PTH1R: variants seen among roughly 807,000 people sequenced by gnomAD.
PTH1R encodes parathyroid hormone/parathyroid hormone-related peptide receptor.
A neutral mutation model predicts 70.7 loss-of-function variants in PTH1R; 32 were observed. That is an observed-to-expected ratio of 0.45 (90% CI 0.34 to 0.61). The LOEUF is 0.61. PTH1R is among the 20% of genes least tolerant of loss of function. PTH1R has a pLI of 0.01. For missense variants in PTH1R, 626 were observed against 792.5 expected (o/e 0.79, Z 2.52); for synonymous variants, 329 against 324.8 (o/e 1.01, Z -0.14).
chr3:46,901,998 C>A lies in PTH1R; in HGVS notation c.1211+138C>A. The A allele has an allele frequency of 9.9e-7, 1 of 1,011,402 alleles. No individual in the cohort carries two copies. Among genetic ancestry groups the A allele is most frequent in the Non-Finnish European group, 1.5e-6 (1 of 668,200 alleles). 62.7% of individuals were successfully genotyped at this position (1,011,402 alleles called of 1,614,324 possible). Reference sequence around the variant, plus strand: ...ACCCAGCGTCTGACTCCCTGGCTGTCCTCACCCACCTGGCCTGCCCAGCAG... The same window carrying A: ...ACCCAGCGTCTGACTCCCTGGCTGTACTCACCCACCTGGCCTGCCCAGCAG... On this transcript the variant is annotated intron_variant, in intron 13 of 15. Coordinates refer to ENST00000449590, the MANE Select transcript of PTH1R (RefSeq NM_000316.3). The surrounding 1 kb of genome is among the most constrained non-coding windows in gnomAD (Gnocchi z 7.3).
rs1352502130 is a variant in PTH1R, at chr3:46,892,471, TCGCGCG to T, written c.76-1432_76-1427del. On this transcript the variant is annotated intron_variant, in intron 3 of 15. Coordinates refer to ENST00000449590, the MANE Select transcript of PTH1R (RefSeq NM_000316.3). This position sits in a 1 kb window ranked among gnomAD's most constrained non-coding sequence, Gnocchi z 5.2. The stretch of plus-strand genomic sequence containing the variant: ...CGGCCACTCGAGAATGCGCTGCCAC[TCGCGCG>T]CGCACGCACAGGGACGCGCACGCGG... Among the ~76,000 whole-genome samples the T allele has an allele frequency of 6.6e-6, 1 of 151,994 alleles. No individual in the cohort carries two copies. The highest frequency in any genetic ancestry group is 1.5e-5 in the Non-Finnish European group (1 of 68,014).
At chr3:46,898,330 C>A (rs1559535412) in intron 7 of PTH1R, 48 bp from the exon 8 acceptor site, 1 of 1,591,756 alleles carries the variant, frequency 6.3e-7, no homozygotes, top group Middle Eastern at 1.7e-4. Context: ...CCCTGATGCT[C>A]TCCCTGGGTC....
Position 46,898,020 on chromosome 3 carries a change from G to A in PTH1R, c.425-54G>A, listed in dbSNP as rs1036833307. ...CAAGGAGGCTGAGACTTGGAGCTAG[G>A]GGTTCAGTGCCTCGAGACCTCCCTG... is the stretch of plus-strand genomic sequence containing the variant. On this transcript the variant is annotated intron_variant, in intron 6 of 15. Transcript: ENST00000449590. The A allele has an allele frequency of 6.8e-6, 11 of 1,612,894 alleles. No individual in the cohort carries two copies. The African/African-American group carries it at 1.5e-4, about 22-fold the overall frequency.
chr3:46,889,785 C>T (rs899096908), intron 3 of PTH1R, among the ~76,000 whole-genome samples: 1 of 152,122 alleles, frequency 6.6e-6, no homozygotes, highest in Non-Finnish European at 1.5e-5. Context: ...CTAAGTGACC[C>T]CTGGCCACAG....
intron 1 of PTH1R, among the ~76,000 whole-genome samples, chr3:46,880,745 G>A (rs902155738): frequency 6.7e-6 from 1 of 148,316 alleles, no homozygotes; most frequent in Non-Finnish European, 1.5e-5. Flanking sequence ...AGAAGAAGGA[G>A]AAGGAGAAGA....
At chr3:46,894,689 G>A (rs1259141475) in intron 4 of PTH1R, among the ~76,000 whole-genome samples, 2 of 152,102 alleles carry the variant, frequency 1.3e-5, no homozygotes, top group Admixed American at 6.5e-5. Context: ...CCCGAGGGTG[G>A]AGGCAGGAAA....
chr3:46,890,496 C>CTTTTTTT (rs71619664), intron 3 of PTH1R, among the ~76,000 whole-genome samples: 24 of 72,360 alleles, frequency 3.3e-4, no homozygotes, highest in African/African-American at 5.3e-4. Context: ...TTCACAGCAG[C>CTTTTTTT]TTTTTTTTTT....
chr3:46,901,351 C>T lies in PTH1R; in HGVS notation c.1050-63C>T. The T allele has an allele frequency of 6.5e-7, 1 of 1,541,174 alleles. No individual in the cohort carries two copies. The highest frequency in any genetic ancestry group is 8.8e-7 in the Non-Finnish European group (1 of 1,138,104). ...ATGTCAGACCAGACCAAATCTGGGT[C>T]TCTGTGGGCAGTCTTAGGATGGGAA... On this transcript the variant is annotated intron_variant, in intron 11 of 15. Coordinates refer to ENST00000449590, the MANE Select transcript of PTH1R (RefSeq NM_000316.3). The surrounding 1 kb of genome is among the most constrained non-coding windows in gnomAD (Gnocchi z 7.3).
intron 5 of PTH1R, among the ~76,000 whole-genome samples, chr3:46,897,210 G>A (rs977916982): frequency 1.3e-5 from 2 of 152,242 alleles, no homozygotes; most frequent in Non-Finnish European, 2.9e-5. Flanking sequence ...GCCTGGGGCT[G>A]AGCACTTGAA....
chr3:46,898,585 G>C, intron 8 of PTH1R, 77 bp from the exon 9 acceptor site: 1 of 1,601,102 alleles, frequency 6.2e-7, no homozygotes, highest in East Asian at 2.2e-5. Flanking sequence ...CCCTACCTAC[G>C]GCGCACAACC....
Position 46,883,483 on chromosome 3 carries a change from C to G in PTH1R, c.-48-29C>G, listed in dbSNP as rs1034118126. 4.8e-6 allele frequency: 6 copies of G among 1,245,490 alleles called. No individual in the cohort carries two copies. Among genetic ancestry groups the G allele is most frequent in the South Asian group, 2.3e-5 (1 of 42,676 alleles). 77.2% of individuals were successfully genotyped at this position (1,245,490 alleles called of 1,614,324 possible). ...GGCGTGGGCGGGGCGGCCAGCCTGA[C>G]GCAGCTCTGCACCCCCTACCACCAC... On this transcript the variant is annotated intron_variant, in intron 2 of 15. Coordinates refer to ENST00000449590, the MANE Select transcript of PTH1R (RefSeq NM_000316.3). This position sits in a 1 kb window ranked among gnomAD's most constrained non-coding sequence, Gnocchi z 6.4.
Position 46,901,210 on chromosome 3 carries a change from C to T in PTH1R, c.1049+125C>T. ...GGCCCAGCCTCAGGAGTTCTCAGTC[C>T]AGCCTCAAGCCAGGAGCACCCTCAG... On this transcript the variant is annotated intron_variant, in intron 11 of 15. Coordinates refer to ENST00000449590, the MANE Select transcript of PTH1R (RefSeq NM_000316.3). This position sits in a 1 kb window ranked among gnomAD's most constrained non-coding sequence, Gnocchi z 7.3. The T allele has an allele frequency of 7.4e-7, 1 of 1,344,292 alleles. No individual in the cohort carries two copies. Among genetic ancestry groups the T allele is most frequent in the South Asian group, 1.3e-5 (1 of 79,688 alleles). The allele number at this position is 1,344,292 out of a possible 1,614,324, so 83.3% of individuals were successfully genotyped here. A position where few individuals can be genotyped will look rare whatever the true frequency, so the allele number is the denominator to read the frequency against.
At chr3:46,894,312 T>A (rs946911807) in intron 4 of PTH1R, among the ~76,000 whole-genome samples, 1 of 152,150 alleles carries the variant, frequency 6.6e-6, no homozygotes, top group East Asian at 1.9e-4. Flanking sequence ...CCCAACTGAC[T>A]GAAGGAGAGG....
rs112382430 is a variant in PTH1R, at chr3:46,903,584, C to T, written c.1710C>T (p.Gly570=). The T allele has an allele frequency of 1.5e-4, 236 of 1,613,678 alleles. 1 individual carries two copies. The African/African-American group carries it at 2.7e-3, about 19-fold the overall frequency. Residue 570 remains glycine, a synonymous_variant, in exon 16 of 16, where the codon GGC becomes GGT. Coordinates refer to ENST00000449590, the MANE Select transcript of PTH1R (RefSeq NM_000316.3). The surrounding 1 kb of genome is among the most constrained non-coding windows in gnomAD (Gnocchi z 4.4). ...DDGFLNGSCS[G]LDEEASGPER... is the part of the protein sequence containing the mutation. Reference sequence around the variant, plus strand: ...GGTTCCTCAACGGCTCCTGCTCAGGCCTGGACGAGGAGGCCTCTGGGCCTG... The same window carrying T: ...GGTTCCTCAACGGCTCCTGCTCAGGTCTGGACGAGGAGGCCTCTGGGCCTG...
chr3:46,883,279 G>A lies in PTH1R; in HGVS notation c.-48-233G>A, dbSNP rs926145116. On this transcript the variant is annotated intron_variant, in intron 2 of 15. Coordinates refer to ENST00000449590, the MANE Select transcript of PTH1R (RefSeq NM_000316.3). The surrounding 1 kb of genome is among the most constrained non-coding windows in gnomAD (Gnocchi z 6.4). ...CGAGGCAGACGGGCCGCTCCGCAGCGCTCGGCGCCCGCCCGCCGCCCGCCC... is the reference window on the plus strand; with the variant it reads ...CGAGGCAGACGGGCCGCTCCGCAGCACTCGGCGCCCGCCCGCCGCCCGCCC... 7.3e-6 allele frequency: 2 copies of A among 274,176 alleles called. No individual in the cohort carries two copies. Among genetic ancestry groups the A allele is most frequent in the Non-Finnish European group, 1.4e-5 (2 of 147,514 alleles). The allele number at this position is 274,176 out of a possible 1,614,324, so 17.0% of individuals were successfully genotyped here.
rs955958221 is a variant in PTH1R, at chr3:46,883,192, A to G, written c.-48-320A>G. Among the ~76,000 whole-genome samples, 10 of 145,902 alleles carry G rather than the reference A, an allele frequency of 6.9e-5. No homozygotes were observed. Among genetic ancestry groups the G allele is most frequent in the Non-Finnish European group, 1.5e-4 (10 of 65,860 alleles). The stretch of plus-strand genomic sequence containing the variant: ...AGAAAGAAAGAAAAGGCGGCGCGGG[A>G]GGGGGGCGGGGGGCGGGCCGGGGGC... On this transcript the variant is annotated intron_variant, in intron 2 of 15. Coordinates refer to ENST00000449590, the MANE Select transcript of PTH1R (RefSeq NM_000316.3). This position sits in a 1 kb window ranked among gnomAD's most constrained non-coding sequence, Gnocchi z 6.4.
intron 1 of PTH1R, among the ~76,000 whole-genome samples, chr3:46,878,403 G>A (rs2030361919): frequency 6.6e-6 from 1 of 152,204 alleles, no homozygotes; most frequent in Non-Finnish European, 1.5e-5. Context: ...ACAACCTGGG[G>A]TCAGAGTTCA....
intron 4 of PTH1R, among the ~76,000 whole-genome samples, chr3:46,895,208 G>A (rs1665711128): frequency 6.6e-6 from 1 of 152,136 alleles, no homozygotes; most frequent in Non-Finnish European, 1.5e-5. Flanking sequence ...AGGATCCAGG[G>A]CAGGGGATGG....
At chr3:46,899,277 C>T in intron 9 of PTH1R, 26 bp from the exon 10 acceptor site, 2 of 1,613,748 alleles carry the variant, frequency 1.2e-6, no homozygotes, top group Middle Eastern at 1.7e-4. Flanking sequence ...GCCCTGCCCT[C>T]TGACTAACAC....
Sources: gnomAD v4.1 joint callset for allele counts (sites outside exome capture counted in the v4.1 genomes callset) on GRCh38, gnomAD v4.1.1 for gene constraint, Gnocchi (gnomAD v3.1) non-coding constraint, MANE v1.5 for transcripts, NCBI Gene and HGNC (gene_info 2026-07-23, HGNC 2026-07-21) for gene names.